NFIA: variants seen among roughly 807,000 people sequenced by gnomAD.
The protein encoded by NFIA is nuclear factor 1 A-type.
NFIA carries 8 observed loss-of-function variants against 62.8 expected under a neutral mutation model. The observed-to-expected ratio is 0.13, with a 90% CI of 0.07 to 0.23. The LOEUF (loss-of-function observed/expected upper bound fraction) is 0.23, where lower values mean the gene tolerates loss of function less well. Ranked by LOEUF, NFIA falls within the 10% of genes least tolerant of loss-of-function variation. The pLI, the probability that NFIA is intolerant of heterozygous loss-of-function variation, is 1.00. For synonymous variants in NFIA, 235 were observed against 238.1 expected (o/e 0.99, Z 0.12); for missense variants, 410 against 642.1 (o/e 0.64, Z 3.91).
intron 3 of NFIA, among the ~76,000 whole-genome samples, chr1:61,280,935 A>G (rs1017699640): frequency 3.9e-5 from 6 of 152,164 alleles, no homozygotes; most frequent in African/African-American, 1.4e-4. Flanking sequence ...CAGTTTTCTT[A>G]CCAGTAAAAC....
intron 10 of NFIA, among the ~76,000 whole-genome samples, chr1:61,453,443 CTTTTTT>C (rs11336299): frequency 8.9e-5 from 7 of 78,884 alleles, no homozygotes; most frequent in African/African-American, 1.0e-4. Context: ...TGTGAAGAAA[CTTTTTT>C]TTTTTTTTTT....
intron 10 of NFIA, among the ~76,000 whole-genome samples, chr1:61,436,140 T>C (rs563014509): frequency 6.6e-6 from 1 of 152,234 alleles, no homozygotes; most frequent in East Asian, 1.9e-4. Context: ...GCCTTTGTGG[T>C]TGCAGGGGAG....
intron 9 of NFIA, among the ~76,000 whole-genome samples, chr1:61,412,542 T>C (rs752357985): frequency 7.9e-5 from 12 of 152,148 alleles, no homozygotes; most frequent in Non-Finnish European, 1.5e-4. Context: ...GCAACTAGGA[T>C]AGAGTTGCCA....
chr1:61,444,253 CT>C (rs1250320305), intron 10 of NFIA, among the ~76,000 whole-genome samples: 1 of 152,178 alleles, frequency 6.6e-6, no homozygotes, highest in Non-Finnish European at 1.5e-5. Flanking sequence ...ACTAGAATGC[CT>C]TTTAGGGAAA....
intron 7 of NFIA, among the ~76,000 whole-genome samples, chr1:61,383,660 TTGTG>T (rs113532018): frequency 2.6e-5 from 4 of 151,528 alleles, no homozygotes; most frequent in African/African-American, 4.8e-5. Context: ...GTTCTACAAG[TTGTG>T]TGTGTGTGTG....
rs1557620737 is a variant in NFIA, at chr1:61,184,130, A to ACCC, written c.560-93390_560-93389insCCC. Among the ~76,000 whole-genome samples, 94 of 147,490 alleles carry ACCC rather than the reference A, an allele frequency of 6.4e-4. 1 individual carries two copies. The Middle Eastern group carries it at 0.011, about 18-fold the overall frequency. ...ATGGGGGGGGGAAAAAAAACCAAAA[A>ACCC]AAAAAAAAAAAACCCAAAAAAACAA... On this transcript the variant is annotated intron_variant, in intron 2 of 10. Coordinates refer to ENST00000403491, the MANE Select transcript of NFIA (RefSeq NM_001134673.4).
At chr1:61,326,807 A>C (rs981126502) in intron 3 of NFIA, among the ~76,000 whole-genome samples, 1 of 152,140 alleles carries the variant, frequency 6.6e-6, no homozygotes, top group African/African-American at 2.4e-5. Context: ...TGGTTAAGCT[A>C]GGAGTAGGAA....
intron 2 of NFIA, among the ~76,000 whole-genome samples, chr1:61,160,877 CA>C (rs2100535346): frequency 6.6e-6 from 1 of 152,240 alleles, no homozygotes; most frequent in East Asian, 1.9e-4. Context: ...AGATTATTTG[CA>C]TTGTTGTGAG....
At chr1:61,343,291 C>A (rs533569383) in intron 4 of NFIA, among the ~76,000 whole-genome samples, 16 of 152,314 alleles carry the variant, frequency 1.1e-4, no homozygotes, top group South Asian at 6.2e-4. Context: ...GATAAAGTAT[C>A]TTCCTGATTC....
chr1:61,416,878 C>G (rs1666371944), intron 9 of NFIA, among the ~76,000 whole-genome samples: 1 of 152,120 alleles, frequency 6.6e-6, no homozygotes, highest in African/African-American at 2.4e-5. Context: ...GGTGTAATAT[C>G]ATGCAGCTTT....
At chr1:61,252,133 A>C (rs561858163) in intron 2 of NFIA, among the ~76,000 whole-genome samples, 1 of 152,190 alleles carries the variant, frequency 6.6e-6, no homozygotes, top group African/African-American at 2.4e-5. Flanking sequence ...TATCCATTCA[A>C]TGTATATTTG....
chr1:61,343,363 T>C (rs1662031707), intron 4 of NFIA, among the ~76,000 whole-genome samples: 2 of 152,240 alleles, frequency 1.3e-5, no homozygotes, highest in Non-Finnish European at 2.9e-5. Context: ...GAAACATTTT[T>C]TGAAAAATAA....
At chr1:61,402,982 G>A (rs990923917) in intron 7 of NFIA, among the ~76,000 whole-genome samples, 6 of 152,182 alleles carry the variant, frequency 3.9e-5, no homozygotes, top group Non-Finnish European at 8.8e-5. Flanking sequence ...CATGCAAGTG[G>A]GATAGTGGTA....
intron 3 of NFIA, among the ~76,000 whole-genome samples, chr1:61,287,704 A>T (rs538309429): frequency 1.1e-4 from 17 of 151,720 alleles, no homozygotes; most frequent in African/African-American, 4.1e-4. Flanking sequence ...AGTTTCAGAT[A>T]AACAGTGAAT....
intron 2 of NFIA, among the ~76,000 whole-genome samples, chr1:61,141,083 G>A (rs1647484701): frequency 6.8e-6 from 1 of 146,960 alleles, no homozygotes; most frequent in South Asian, 2.2e-4. Flanking sequence ...ACGGGCAGTT[G>A]AAGAAGGCAT....
At chr1:61,135,576 T>A (rs981656704) in intron 2 of NFIA, among the ~76,000 whole-genome samples, 7 of 152,296 alleles carry the variant, frequency 4.6e-5, no homozygotes, top group Admixed American at 2.0e-4. Flanking sequence ...GGATAATTTT[T>A]AAAAATTATT....
At chr1:61,296,518 T>C (rs1659196373) in intron 3 of NFIA, among the ~76,000 whole-genome samples, 1 of 152,224 alleles carries the variant, frequency 6.6e-6, no homozygotes, top group Admixed American at 6.5e-5. Context: ...AAGTAATTTC[T>C]TCTTTGTATT....
chr1:61,301,809 T>A (rs1659510672), intron 3 of NFIA, among the ~76,000 whole-genome samples: 1 of 152,188 alleles, frequency 6.6e-6, no homozygotes, highest in Admixed American at 6.6e-5. Context: ...AAGCAGTTTC[T>A]CCTGTGGAAA....
intron 7 of NFIA, among the ~76,000 whole-genome samples, chr1:61,391,085 G>T (rs1569732253): frequency 6.6e-6 from 1 of 151,886 alleles, no homozygotes; most frequent in Non-Finnish European, 1.5e-5. Context: ...TTGAGACAGG[G>T]TCTCTCTCTC....
Sources: gnomAD v4.1 joint callset for allele counts (sites outside exome capture counted in the v4.1 genomes callset) on GRCh38, gnomAD v4.1.1 for gene constraint, MANE v1.5 for transcripts, NCBI Gene and HGNC (gene_info 2026-07-23, HGNC 2026-07-21) for gene names.